The following PPIP5K2 variants were observed in gnomAD, a reference collection of about 807,000 sequenced individuals.
The protein encoded by PPIP5K2 is diphosphoinositol pentakisphosphate kinase 2.
Under a neutral mutation model 154.6 loss-of-function variants are expected in PPIP5K2, and 105 were observed. The observed-to-expected ratio is 0.68, with a 90% CI of 0.58 to 0.80. The LOEUF is 0.80. Among genes scored for constraint, PPIP5K2 ranks in the 30% least tolerant of loss-of-function variants. PPIP5K2 has a pLI of 0.00. For synonymous variants in PPIP5K2, 480 were observed against 490.3 expected (o/e 0.98, Z 0.28); for missense variants, 992 against 1,504.6 (o/e 0.66, Z 5.64).
At chr5:103,199,905 G>A (rs1802708993) in intron 30 of PPIP5K2, among the ~76,000 whole-genome samples, 1 of 152,024 alleles carries the variant, frequency 6.6e-6, no homozygotes, top group Non-Finnish European at 1.5e-5. Flanking sequence ...ATTCTTGTCT[G>A]TTAATCTGAC....
chr5:103,182,625 T>A (rs1799718634), intron 24 of PPIP5K2, among the ~76,000 whole-genome samples: 3 of 152,204 alleles, frequency 2.0e-5, no homozygotes, highest in Admixed American at 2.0e-4. Flanking sequence ...ATGTTTTGCC[T>A]ACTGAATCTG....
At position 103,194,946 on chromosome 5, in the gene PPIP5K2, T is replaced by C. The variant is rs1554228006; in HGVS notation, c.3540T>C (p.Ser1180=). 6.2e-7 allele frequency: 1 copy of C among 1,613,592 alleles called. No homozygotes were observed. The highest frequency in any genetic ancestry group is 1.7e-5 in the Admixed American group (1 of 59,974). Residue 1180 remains serine, a synonymous_variant, in exon 30 of 31, where the codon TCT becomes TCC. Coordinates refer to ENST00000358359, the MANE Select transcript of PPIP5K2 (RefSeq NM_001276277.3). ...GTCCAATAATGAGAAAAAAAGTATC[T>C]TTAAATACGTATACACCTGCAAAGA... ...RSSPIMRKKV[S]LNTYTPAKIL...
chr5:103,156,791 C>G (rs1196936892), intron 14 of PPIP5K2, among the ~76,000 whole-genome samples: 1 of 152,060 alleles, frequency 6.6e-6, no homozygotes, highest in Non-Finnish European at 1.5e-5. Context: ...TTATCAGGAT[C>G]TAACCCAAAG....
At chr5:103,145,558 A>G (rs1258845769) in intron 5 of PPIP5K2, among the ~76,000 whole-genome samples, 1 of 152,114 alleles carries the variant, frequency 6.6e-6, no homozygotes, top group Non-Finnish European at 1.5e-5. Context: ...TTATTCAGCT[A>G]TAAAAATAAT....
chr5:103,167,104 T>A (rs1797249747), intron 17 of PPIP5K2, 75 bp from the exon 18 acceptor site: 1 of 1,175,282 alleles, frequency 8.5e-7, no homozygotes, highest in South Asian at 2.5e-5. Context: ...TACTGGAAAA[T>A]TTTGTATATA....
chr5:103,211,022 A>C lies in PPIP5K2; in HGVS notation c.*9388A>C, dbSNP rs1803780477. 6.6e-6 allele frequency: 1 copy of C among 152,190 alleles called. No homozygotes were observed. The highest frequency in any genetic ancestry group is 2.1e-4 in the South Asian group (1 of 4,826). The allele number at this position is 152,190 out of a possible 1,614,324, so 9.4% of individuals were successfully genotyped here. On this transcript the variant is annotated 3_prime_UTR_variant, in exon 31 of 31. Coordinates refer to ENST00000358359, the MANE Select transcript of PPIP5K2 (RefSeq NM_001276277.3). ...GTAAAGGCAGATGGCCGTGAGTGGA[A>C]ATCTGAGTGTATAGGATGTGTTTCG...
chr5:103,201,231 T>G (rs1203501938), intron 30 of PPIP5K2, among the ~76,000 whole-genome samples: 1 of 152,238 alleles, frequency 6.6e-6, no homozygotes, highest in African/African-American at 2.4e-5. Flanking sequence ...TTAAAAATCA[T>G]TAGCACAATG....
Position 103,184,705 on chromosome 5 carries a change from C to T in PPIP5K2, c.3130C>T (p.Pro1044Ser), listed in dbSNP as rs782110003. ...TGAAAATGCTAATTACCTGAGAACA[C>T]CAAGAACTCTTGTGGAACAGAAGCA... ...VSENANYLRT[P>S]RTLVEQKQNP... The change falls in exon 26 of 31, where the codon CCA (proline) becomes TCA (serine). Residue 1044 changes from proline to serine, a missense_variant. Physicochemically the swap from Pro to Ser is moderately conservative, Grantham distance 74. Around this residue, in one of 9 missense-constraint regions of PPIP5K2, gnomAD observed 204 missense variants for 224.0 expected, o/e 0.91. Transcript: ENST00000358359. 1 of 1,612,698 alleles carries T rather than the reference C, an allele frequency of 6.2e-7. No homozygotes were observed. Among genetic ancestry groups the T allele is most frequent in the Admixed American group, 1.7e-5 (1 of 60,000 alleles).
At chr5:103,146,704 A>C in intron 6 of PPIP5K2, 23 bp downstream of exon 6, 1 of 1,578,268 alleles carries the variant, frequency 6.3e-7, no homozygotes, top group Non-Finnish European at 8.6e-7. Context: ...TAACTTTTGT[A>C]TGAATACTCT....
intron 30 of PPIP5K2, among the ~76,000 whole-genome samples, chr5:103,197,569 A>ATTTTTTTTT (rs782156090): frequency 1.1e-5 from 1 of 86,974 alleles, no homozygotes; most frequent in Non-Finnish European, 2.1e-5. Context: ...TAAAACACAA[A>ATTTTTTTTT]TTTTTTTTTT....
intron 5 of PPIP5K2, among the ~76,000 whole-genome samples, chr5:103,145,413 A>G (rs1489039719): frequency 2.6e-5 from 4 of 152,134 alleles, no homozygotes; most frequent in African/African-American, 9.7e-5. Flanking sequence ...TCCAAAAAAG[A>G]GGAAATCAGT....
chr5:103,147,906 A>G (rs1793999250), intron 6 of PPIP5K2, 25 bp from the exon 7 acceptor site: 1 of 1,449,378 alleles, frequency 6.9e-7, no homozygotes, highest in Non-Finnish European at 9.5e-7. Flanking sequence ...GCTTTTTTAT[A>G]TCGATGGACA....
intron 26 of PPIP5K2, 124 bp from the exon 27 acceptor site, chr5:103,186,196 G>T: frequency 1.7e-6 from 2 of 1,212,102 alleles, no homozygotes; most frequent in Non-Finnish European, 2.3e-6. Flanking sequence ...TTGTGAGCCT[G>T]TTCAAGGCAC....
At chr5:103,149,099 C>A in intron 7 of PPIP5K2, 53 bp from the exon 8 acceptor site, 1 of 1,312,078 alleles carries the variant, frequency 7.6e-7, no homozygotes, top group Non-Finnish European at 1.0e-6. Flanking sequence ...TGGTTACACA[C>A]ACACACACAC....
intron 1 of PPIP5K2, among the ~76,000 whole-genome samples, chr5:103,127,337 T>C (rs897455189): frequency 6.6e-6 from 1 of 151,746 alleles, no homozygotes; most frequent in Non-Finnish European, 1.5e-5. Flanking sequence ...TTATTACATG[T>C]TTCTATTATC....
chr5:103,189,324 T>A lies in PPIP5K2; in HGVS notation c.3353-1518T>A. On this transcript the variant is annotated intron_variant, in intron 28 of 30. Coordinates refer to ENST00000358359, the MANE Select transcript of PPIP5K2 (RefSeq NM_001276277.3). ...CATTAAAGGAAAAGTTTATTAAAGATAAGTGGAAAAAAATGTAGTCTAGAG... is the reference window on the plus strand; with the variant it reads ...CATTAAAGGAAAAGTTTATTAAAGAAAAGTGGAAAAAAATGTAGTCTAGAG... 1.2e-5 allele frequency: 12 copies of A among 979,816 alleles called. No homozygotes were observed. In the Admixed American group the frequency reaches 2.2e-4, roughly 18 times the overall value. The allele number at this position is 979,816 out of a possible 1,614,324, so 60.7% of individuals were successfully genotyped here. A position where few individuals can be genotyped will look rare whatever the true frequency, so the allele number is the denominator to read the frequency against.
intron 5 of PPIP5K2, 93 bp from the exon 6 acceptor site, chr5:103,146,434 G>A (rs1793768180): frequency 1.5e-6 from 2 of 1,295,752 alleles, no homozygotes; most frequent in African/African-American, 3.0e-5. Flanking sequence ...TTCTTTTATG[G>A]TCTTTTAGTG....
intron 8 of PPIP5K2, among the ~76,000 whole-genome samples, chr5:103,150,031 C>T (rs949098676): frequency 6.6e-6 from 1 of 152,056 alleles, no homozygotes; most frequent in Non-Finnish European, 1.5e-5. Context: ...TTACTTCTGA[C>T]ATTTGACTAA....
intron 28 of PPIP5K2, chr5:103,188,573 G>A (rs1458587879): frequency 1.3e-5 from 2 of 152,124 alleles, no homozygotes; most frequent in Non-Finnish European, 2.9e-5. Context: ...TGAAGAAAGT[G>A]ATTCTTATTT....
Sources: allele counts gnomAD v4.1 joint callset (sites outside exome capture counted in the v4.1 genomes callset), GRCh38; gene constraint gnomAD v4.1.1; regional missense constraint gnomAD v4.1.1; transcripts MANE v1.5; gene names NCBI Gene and HGNC (gene_info 2026-07-23, HGNC 2026-07-21).